The following CHST8 variants were observed in gnomAD, a reference collection of about 807,000 sequenced individuals.
The protein encoded by CHST8 is GALNAC-4-ST1.
A neutral mutation model predicts 15.0 loss-of-function variants in CHST8; 10 were observed. The observed-to-expected ratio is 0.67, with a 90% CI of 0.41 to 1.13. The LOEUF is 1.13. Ranked by LOEUF, CHST8 falls within the 50% of genes most tolerant of loss-of-function variation. The pLI, the probability that CHST8 is intolerant of heterozygous loss-of-function variation, is 0.00. For missense variants in CHST8, 634 were observed against 608.2 expected (o/e 1.04, Z -0.45); for synonymous variants, 259 against 256.6 (o/e 1.01, Z -0.09).
chr19:33,703,890 C>T (rs544041197), intron 3 of CHST8, among the ~76,000 whole-genome samples: 2 of 152,322 alleles, frequency 1.3e-5, no homozygotes, highest in East Asian at 3.9e-4. Flanking sequence ...AATAGCTGAG[C>T]TTAAATCGGT....
At chr19:33,758,981 G>A (rs1001151257) in intron 3 of CHST8, among the ~76,000 whole-genome samples, 1 of 152,052 alleles carries the variant, frequency 6.6e-6, no homozygotes, top group African/African-American at 2.4e-5. Flanking sequence ...GGGAGTGTGC[G>A]TGTCACCTGG....
intron 3 of CHST8, among the ~76,000 whole-genome samples, chr19:33,708,085 A>T (rs767137764): frequency 6.6e-6 from 1 of 152,190 alleles, no homozygotes; most frequent in Non-Finnish European, 1.5e-5. Flanking sequence ...GGCTTGGCCC[A>T]TTTTAAAAAT....
chr19:33,629,964 A>T (rs1454756632), intron 1 of CHST8, among the ~76,000 whole-genome samples: 1 of 152,238 alleles, frequency 6.6e-6, no homozygotes, highest in Non-Finnish European at 1.5e-5. Flanking sequence ...TGGGAAGCTG[A>T]CACAGGAGAG....
At position 33,694,601 on chromosome 19, in the gene CHST8, A is replaced by T. The variant is rs535643781; in HGVS notation, c.130+5210A>T. ...GTATTGAGAACTTTACTTTTTTGAGACAGAGTCTCGCTCTGTAGCCCAGGC... is the reference window on the plus strand; with the variant it reads ...GTATTGAGAACTTTACTTTTTTGAGTCAGAGTCTCGCTCTGTAGCCCAGGC... On this transcript the variant is annotated intron_variant, in intron 3 of 4. Transcript: ENST00000650847. Among the ~76,000 whole-genome samples, 8 of 152,186 alleles carry T rather than the reference A, an allele frequency of 5.3e-5. No individual in the cohort carries two copies. In the East Asian group the frequency reaches 1.6e-3, roughly 29 times the overall value.
chr19:33,644,683 G>T (rs1260331551), intron 1 of CHST8, among the ~76,000 whole-genome samples: 2 of 152,192 alleles, frequency 1.3e-5, no homozygotes, highest in South Asian at 2.1e-4. Context: ...GGAGGCTGCA[G>T]TGAGCCATGA....
chr19:33,770,534 C>T (rs377578270), intron 3 of CHST8, among the ~76,000 whole-genome samples: 1 of 152,208 alleles, frequency 6.6e-6, no homozygotes, highest in Non-Finnish European at 1.5e-5. Flanking sequence ...TGCGACTTTC[C>T]CCCAAAGCAG....
chr19:33,667,196 G>A (rs892917143), intron 1 of CHST8, among the ~76,000 whole-genome samples: 1 of 152,166 alleles, frequency 6.6e-6, no homozygotes, highest in Admixed American at 6.5e-5. Context: ...CTGTGTGCTG[G>A]CCAACAGTGG....
chr19:33,694,970 T>C (rs1272588983), intron 3 of CHST8, among the ~76,000 whole-genome samples: 1 of 145,556 alleles, frequency 6.9e-6, no homozygotes, highest in Non-Finnish European at 1.5e-5. Context: ...TCCCTTCCCT[T>C]CTTGAGGCAG....
rs1225693816 is a variant in CHST8, at chr19:33,622,119, C to G, written c.-341C>G. On this transcript the variant is annotated 5_prime_UTR_variant, in exon 1 of 5. Coordinates refer to ENST00000650847, the MANE Select transcript of CHST8 (RefSeq NM_001127895.2). ...GCTCCCCGCACGCTCCGGCTGCCGG[C>G]CCCACGCTGCTCGCCCACAGATCGC... is the stretch of plus-strand genomic sequence containing the variant. 6.6e-6 allele frequency: 1 copy of G among 152,326 alleles called. No homozygotes were observed. The highest frequency in any genetic ancestry group is 2.1e-4 in the South Asian group (1 of 4,836). The allele number at this position is 152,326 out of a possible 1,614,324, so 9.4% of individuals were successfully genotyped here.
chr19:33,673,752 C>CT (rs1238970782), intron 2 of CHST8, among the ~76,000 whole-genome samples: 6 of 151,334 alleles, frequency 4.0e-5, no homozygotes, highest in Non-Finnish European at 7.4e-5. Context: ...CCTTCTCCCA[C>CT]TTTTTTTTTA....
chr19:33,681,363 G>A (rs1405657266), intron 2 of CHST8, among the ~76,000 whole-genome samples: 1 of 152,226 alleles, frequency 6.6e-6, no homozygotes, highest in Non-Finnish European at 1.5e-5. Context: ...CCTCAAACAA[G>A]GACAGGGTTG....
chr19:33,728,317 C>G (rs941294660), intron 3 of CHST8, among the ~76,000 whole-genome samples: 21 of 152,260 alleles, frequency 1.4e-4, no homozygotes, highest in African/African-American at 4.8e-4. Flanking sequence ...TGGATATATG[C>G]AGATGCTGCT....
At chr19:33,639,436 C>T (rs879121316) in intron 1 of CHST8, among the ~76,000 whole-genome samples, 10 of 152,238 alleles carry the variant, frequency 6.6e-5, no homozygotes, top group South Asian at 2.1e-4. Flanking sequence ...CTCTCAGCAT[C>T]GGGGCAGCCT....
chr19:33,703,272 A>C (rs887039756), intron 3 of CHST8, among the ~76,000 whole-genome samples: 1 of 152,198 alleles, frequency 6.6e-6, no homozygotes, highest in African/African-American at 2.4e-5. Flanking sequence ...GGGCACACCC[A>C]CTGCCAGCAT....
intron 2 of CHST8, among the ~76,000 whole-genome samples, chr19:33,673,962 C>G (rs1001215028): frequency 2.6e-5 from 4 of 152,182 alleles, no homozygotes; most frequent in Non-Finnish European, 5.9e-5. Context: ...CCATGTTGGC[C>G]AGGCTGGTCC....
At chr19:33,683,546 C>T (rs759446191) in intron 2 of CHST8, among the ~76,000 whole-genome samples, 5 of 152,188 alleles carry the variant, frequency 3.3e-5, no homozygotes, top group African/African-American at 4.8e-5. Flanking sequence ...GACCTGATTC[C>T]AAGGCAGCTC....
chr19:33,656,297 A>T (rs1404903759), intron 1 of CHST8, among the ~76,000 whole-genome samples: 1 of 152,154 alleles, frequency 6.6e-6, no homozygotes, highest in African/African-American at 2.4e-5. Context: ...ACCACTAAAG[A>T]AGGGAAAAAG....
At chr19:33,622,647 G>A (rs2145427451) in intron 1 of CHST8, among the ~76,000 whole-genome samples, 1 of 152,226 alleles carries the variant, frequency 6.6e-6, no homozygotes, top group Non-Finnish European at 1.5e-5. Flanking sequence ...AGGCGGCGTC[G>A]GGCGCTGAGC....
intron 2 of CHST8, among the ~76,000 whole-genome samples, chr19:33,673,228 A>C (rs1348391871): frequency 1.3e-5 from 2 of 152,208 alleles, no homozygotes; most frequent in Non-Finnish European, 2.9e-5. Flanking sequence ...TCTGGTGAGC[A>C]TGACTCCTTC....
Sources: allele counts gnomAD v4.1 joint callset (sites outside exome capture counted in the v4.1 genomes callset), GRCh38; gene constraint gnomAD v4.1.1; transcripts MANE v1.5; gene names NCBI Gene and HGNC (gene_info 2026-07-23, HGNC 2026-07-21).